Variants in RANBP2 observed in about 807,000 individuals in gnomAD.
RANBP2 encodes the protein RAN binding protein 2, also known as E3 SUMO-protein ligase RanBP2.
RANBP2 carries 57 observed loss-of-function variants against 303.6 expected under a neutral mutation model. The observed-to-expected ratio is 0.19, with a 90% CI of 0.15 to 0.23. The LOEUF is 0.23. Ranked by LOEUF, RANBP2 falls within the 10% of genes least tolerant of loss-of-function variation. The pLI is 1.00. For synonymous variants in RANBP2, 1,167 were observed against 1,301.5 expected, an observed-to-expected ratio of 0.90 and a Z score of 2.23; for missense variants, 3,138 against 3,780.8, an observed-to-expected ratio of 0.83 and a Z score of 4.46.
the RANBP2 span, among the ~76,000 whole-genome samples, chr2:109,425,314 T>C: frequency 6.6e-6 from 1 of 152,344 alleles, no homozygotes; most frequent in Admixed American, 6.5e-5. Context: ...ATGGAAAAGC[T>C]GTAGCAAGTT....
the RANBP2 span, among the ~76,000 whole-genome samples, chr2:109,141,145 C>T: frequency 2.6e-5 from 4 of 152,186 alleles, no homozygotes; most frequent in Non-Finnish European, 5.9e-5. Flanking sequence ...CCACACCCCC[C>T]GGAGCCCAGG....
chr2:109,243,863 A>G, the RANBP2 span, among the ~76,000 whole-genome samples: 1 of 152,152 alleles, frequency 6.6e-6, no homozygotes, highest in African/African-American at 2.4e-5. Flanking sequence ...TTGCTTTAGA[A>G]AGATCTTGAG....
the RANBP2 span, among the ~76,000 whole-genome samples, chr2:109,521,848 C>T: frequency 6.6e-6 from 1 of 152,112 alleles, no homozygotes; most frequent in Non-Finnish European, 1.5e-5. Context: ...AAGTACCTCT[C>T]ATTAGGACCT....
At chr2:108,965,741 C>CTGTGCAT in the RANBP2 span, among the ~76,000 whole-genome samples, 2 of 151,984 alleles carry the variant, frequency 1.3e-5, no homozygotes, top group Admixed American at 1.3e-4. Context: ...TGTGACTGCT[C>CTGTGCAT]TGTGCATTGA....
At chr2:109,599,989 T>C in the RANBP2 span, among the ~76,000 whole-genome samples, 4 of 152,188 alleles carry the variant, frequency 2.6e-5, no homozygotes, top group Non-Finnish European at 5.9e-5. Context: ...CTTCAAGCAA[T>C]ACCTAGTCCT....
chr2:109,459,975 C>T, the RANBP2 span, among the ~76,000 whole-genome samples: 3 of 152,184 alleles, frequency 2.0e-5, no homozygotes, highest in African/African-American at 4.8e-5. Context: ...AGAATATTGT[C>T]CCAGCCCTGC....
At chr2:109,202,193 C>T in the RANBP2 span, among the ~76,000 whole-genome samples, 3 of 152,164 alleles carry the variant, frequency 2.0e-5, no homozygotes, top group South Asian at 4.1e-4. Flanking sequence ...CCTTCTCTTC[C>T]CTCCCTTGTT....
the RANBP2 span, among the ~76,000 whole-genome samples, chr2:109,625,266 T>G: frequency 0.046 from 7,002 of 152,018 alleles, 508 homozygotes; most frequent in African/African-American, 0.16. Context: ...TTGTTTGTAA[T>G]AGCAGCAGAA....
chr2:109,297,696 C>T, the RANBP2 span, among the ~76,000 whole-genome samples: 1 of 151,494 alleles, frequency 6.6e-6, no homozygotes, highest in African/African-American at 2.4e-5. Context: ...CAATGCCCCC[C>T]ATTCTGCCCA....
chr2:109,099,204 G>A, the RANBP2 span, among the ~76,000 whole-genome samples: 3 of 152,192 alleles, frequency 2.0e-5, no homozygotes, highest in East Asian at 1.9e-4. Context: ...GAACACATGC[G>A]TGTTACATAC....
At chr2:109,123,984 A>T in the RANBP2 span, among the ~76,000 whole-genome samples, 8 of 13,902 alleles carry the variant, frequency 5.8e-4, no homozygotes, top group Admixed American at 8.3e-4. Flanking sequence ...TTTCAGTTTT[A>T]TTTATTTATT....
chr2:108,930,459 C>A, the RANBP2 span, among the ~76,000 whole-genome samples: 1 of 152,082 alleles, frequency 6.6e-6, no homozygotes, highest in Non-Finnish European at 1.5e-5. Context: ...CCACTAGAAC[C>A]ACCCTGCCTC....
chr2:109,517,481 G>C, the RANBP2 span, among the ~76,000 whole-genome samples: 9 of 152,238 alleles, frequency 5.9e-5, no homozygotes, highest in African/African-American at 2.2e-4. Flanking sequence ...AAACACCGCA[G>C]GTTCGGACCT....
At chr2:109,370,875 G>GC in the RANBP2 span, among the ~76,000 whole-genome samples, 1 of 152,174 alleles carries the variant, frequency 6.6e-6, no homozygotes, top group South Asian at 2.1e-4. Flanking sequence ...AGCTTTATGT[G>GC]CCCATGACTC....
the RANBP2 span, among the ~76,000 whole-genome samples, chr2:109,188,597 C>T: frequency 4.6e-5 from 7 of 152,304 alleles, no homozygotes; most frequent in Non-Finnish European, 7.3e-5. Flanking sequence ...GTCCCCTCTC[C>T]GGCAGCAGTT....
chr2:109,000,902 G>A, the RANBP2 span, among the ~76,000 whole-genome samples: 4 of 152,072 alleles, frequency 2.6e-5, no homozygotes, highest in Admixed American at 6.5e-5. Context: ...AGCTGATGAC[G>A]AGACTGTTGG....
At chr2:108,835,994 G>A in the RANBP2 span, among the ~76,000 whole-genome samples, 2 of 152,106 alleles carry the variant, frequency 1.3e-5, no homozygotes, top group East Asian at 1.9e-4. Context: ...AGTCCCACAC[G>A]CCTTTATTAT....
rs1439092393 is a variant in RANBP2, at chr2:108,726,964, C to G, written c.73-2168C>G. Among the ~76,000 whole-genome samples the G allele has an allele frequency of 5.3e-5, 8 of 152,174 alleles. 1 individual carries two copies. In the South Asian group the frequency reaches 1.7e-3, roughly 31 times the overall value. On this transcript the variant is annotated intron_variant, in intron 1 of 28. Transcript: ENST00000283195. ...CAGGGTTGGGGGTAAGGTCACAGAT[C>G]AACAAGATCCCAAGGCAGAAGAATT...
the RANBP2 span, among the ~76,000 whole-genome samples, chr2:109,664,624 TAAAAA>T: frequency 6.8e-6 from 1 of 147,444 alleles, no homozygotes; most frequent in African/African-American, 2.5e-5. Context: ...AATAAATAAA[TAAAAA>T]TAAAAATATC....
Sources: gnomAD v4.1 joint callset for allele counts (sites outside exome capture counted in the v4.1 genomes callset) on GRCh38, gnomAD v4.1.1 for gene constraint, MANE v1.5 for transcripts, NCBI Gene and HGNC (gene_info 2026-07-23, HGNC 2026-07-21) for gene names.